Variants in PDHX observed in about 807,000 individuals in gnomAD.
PDHX encodes pyruvate dehydrogenase protein X component, mitochondrial.
A neutral mutation model predicts 55.3 loss-of-function variants in PDHX; 33 were observed. The observed-to-expected ratio is 0.60, with a 90% CI of 0.45 to 0.80. The LOEUF (loss-of-function observed/expected upper bound fraction) is 0.80. Ranked by LOEUF, PDHX falls within the 30% of genes least tolerant of loss-of-function variation. The pLI, the probability that PDHX is intolerant of heterozygous loss-of-function variation, is 0.00. For synonymous variants in PDHX, 226 were observed against 219.4 expected (o/e 1.03, Z -0.27); for missense variants, 622 against 619.9 (o/e 1.00, Z -0.04).
chr11:34,938,988 C>T (rs1854405646), intron 2 of PDHX, among the ~76,000 whole-genome samples: 1 of 152,170 alleles, frequency 6.6e-6, no homozygotes, highest in South Asian at 2.1e-4. Context: ...CTTAGTGGTT[C>T]ACTGGCTTCT....
chr11:34,929,704 T>C (rs1403128828), intron 1 of PDHX, among the ~76,000 whole-genome samples: 1 of 152,240 alleles, frequency 6.6e-6, no homozygotes, highest in Non-Finnish European at 1.5e-5. Flanking sequence ...TTTGAGAGTT[T>C]AGCATGAAGA....
intron 8 of PDHX, among the ~76,000 whole-genome samples, chr11:34,982,010 A>T (rs916858094): frequency 1.3e-5 from 2 of 152,118 alleles, no homozygotes; most frequent in Non-Finnish European, 2.9e-5. Flanking sequence ...GTTTAATGAG[A>T]TCCCATTTGT....
At chr11:34,924,734 A>G (rs1389009152) in intron 1 of PDHX, among the ~76,000 whole-genome samples, 1 of 152,148 alleles carries the variant, frequency 6.6e-6, no homozygotes, top group Non-Finnish European at 1.5e-5. Flanking sequence ...CATTTAGCAC[A>G]ATAGTACATG....
intron 10 of PDHX, among the ~76,000 whole-genome samples, chr11:34,993,835 T>C (rs1165358916): frequency 6.6e-6 from 1 of 152,210 alleles, no homozygotes; most frequent in Non-Finnish European, 1.5e-5. Context: ...ATTTGAGAAT[T>C]GACATCCTTA....
intron 2 of PDHX, among the ~76,000 whole-genome samples, chr11:34,932,537 C>A (rs189578011): frequency 1.3e-5 from 2 of 152,136 alleles, no homozygotes; most frequent in African/African-American, 4.8e-5. Context: ...AATGTCATTT[C>A]TTACTGATTA....
intron 9 of PDHX, among the ~76,000 whole-genome samples, chr11:34,990,660 A>G (rs925116616): frequency 1.3e-5 from 2 of 152,170 alleles, no homozygotes; most frequent in African/African-American, 4.8e-5. Context: ...GCTTTTATAG[A>G]TTATTCTCTC....
chr11:34,969,491 G>C (rs958072039), intron 6 of PDHX, among the ~76,000 whole-genome samples: 1 of 151,630 alleles, frequency 6.6e-6, no homozygotes. Flanking sequence ...TTACAGGCAC[G>C]CGCCACCACA....
At chr11:34,917,953 T>G (rs1853775819) in intron 1 of PDHX, among the ~76,000 whole-genome samples, 1 of 152,196 alleles carries the variant, frequency 6.6e-6, no homozygotes, top group African/African-American at 2.4e-5. Flanking sequence ...TGGATGAGTT[T>G]TGATGTTTTA....
intron 9 of PDHX, among the ~76,000 whole-genome samples, chr11:34,988,314 C>A (rs1372067160): frequency 6.6e-6 from 1 of 152,064 alleles, no homozygotes; most frequent in Non-Finnish European, 1.5e-5. Flanking sequence ...TAAAACCACC[C>A]TATCAAGTAC....
intron 1 of PDHX, among the ~76,000 whole-genome samples, chr11:34,922,760 ATCTGTAAATT>A (rs1171763037): frequency 6.6e-6 from 1 of 151,708 alleles, no homozygotes; most frequent in African/African-American, 2.4e-5. Context: ...GACTTCTCCT[ATCTGTAAATT>A]TCTAAGGTGA....
At chr11:34,975,534 A>G (rs560998252) in intron 7 of PDHX, among the ~76,000 whole-genome samples, 1 of 152,176 alleles carries the variant, frequency 6.6e-6, no homozygotes, top group East Asian at 1.9e-4. Context: ...TATATTTTTT[A>G]TCTTGGTTAG....
chr11:34,967,682 T>G (rs1565163888), intron 6 of PDHX, among the ~76,000 whole-genome samples: 1 of 152,186 alleles, frequency 6.6e-6, no homozygotes, highest in Non-Finnish European at 1.5e-5. Flanking sequence ...GATAGCCCAG[T>G]TTATTTAAAA....
At chr11:34,945,990 G>A (rs548693096) in intron 2 of PDHX, among the ~76,000 whole-genome samples, 10 of 152,276 alleles carry the variant, frequency 6.6e-5, no homozygotes, top group Admixed American at 5.2e-4. Context: ...CTCCACCAGT[G>A]CCTCCAGTGT....
chr11:34,991,376 C>T (rs1465258711), intron 9 of PDHX, among the ~76,000 whole-genome samples: 1 of 151,938 alleles, frequency 6.6e-6, no homozygotes, highest in East Asian at 1.9e-4. Context: ...GGGAAATAAC[C>T]AAGTAAATTA....
intron 8 of PDHX, among the ~76,000 whole-genome samples, chr11:34,980,830 T>A (rs1405523916): frequency 2.0e-5 from 3 of 152,176 alleles, no homozygotes; most frequent in African/African-American, 7.2e-5. Flanking sequence ...ATTGCCATGC[T>A]TAAATGACAT....
intron 6 of PDHX, 105 bp downstream of exon 6, chr11:34,966,919 T>A: frequency 1.0e-6 from 1 of 984,338 alleles, no homozygotes; most frequent in Non-Finnish European, 1.6e-6. Flanking sequence ...TGGCACAATC[T>A]TGGCTCACTG....
intron 5 of PDHX, among the ~76,000 whole-genome samples, chr11:34,963,221 T>C (rs1426085752): frequency 3.9e-5 from 6 of 152,222 alleles, no homozygotes; most frequent in Non-Finnish European, 8.8e-5. Flanking sequence ...TTGCAGGCTT[T>C]GGCATAGCTG....
intron 1 of PDHX, among the ~76,000 whole-genome samples, chr11:34,929,953 C>G (rs1192903875): frequency 6.6e-6 from 1 of 152,224 alleles, no homozygotes; most frequent in Non-Finnish European, 1.5e-5. Context: ...CCTTCTAAGA[C>G]TGGGCTTCTT....
chr11:34,925,549 A>C (rs1853998080), intron 1 of PDHX, among the ~76,000 whole-genome samples: 1 of 152,240 alleles, frequency 6.6e-6, no homozygotes, highest in Admixed American at 6.5e-5. Context: ...GTTAAGTTTG[A>C]AAGAGGAAGT....
Sources: gnomAD v4.1 joint callset for allele counts (sites outside exome capture counted in the v4.1 genomes callset) on GRCh38, gnomAD v4.1.1 for gene constraint, MANE v1.5 for transcripts, NCBI Gene and HGNC (gene_info 2026-07-23, HGNC 2026-07-21) for gene names.